The following DOCK3 variants were observed in gnomAD, a reference collection of about 807,000 sequenced individuals.
DOCK3 encodes dedicator of cytokinesis protein 3.
A neutral mutation model predicts 265.6 loss-of-function variants in DOCK3; 60 were observed. The ratio of observed to expected loss-of-function variants is 0.23; its 90% CI spans 0.18 to 0.28. The LOEUF is 0.28. Among genes scored for constraint, DOCK3 ranks in the 10% least tolerant of loss-of-function variants. DOCK3 has a pLI of 1.00. For synonymous variants in DOCK3, 881 were observed against 938.0 expected (o/e 0.94, Z 1.11); for missense variants, 1,981 against 2,594.3 (o/e 0.76, Z 5.14).
intron 22 of DOCK3, among the ~76,000 whole-genome samples, chr3:51,253,857 A>G (rs940976752): frequency 1.1e-4 from 16 of 151,258 alleles, no homozygotes; most frequent in South Asian, 2.1e-4. Flanking sequence ...TTGTGTCTCT[A>G]TCTCCTTCAG....
At chr3:51,139,659 TA>T (rs1219569300) in intron 9 of DOCK3, among the ~76,000 whole-genome samples, 1 of 152,148 alleles carries the variant, frequency 6.6e-6, no homozygotes, top group Non-Finnish European at 1.5e-5. Context: ...AGAAAGACAA[TA>T]AACAAAGAAA....
At chr3:50,817,024 T>C (rs940740174) in intron 2 of DOCK3, among the ~76,000 whole-genome samples, 6 of 152,218 alleles carry the variant, frequency 3.9e-5, no homozygotes, top group Admixed American at 1.3e-4. Flanking sequence ...AAAGAATGGC[T>C]ACTCCATAGA....
At chr3:51,143,450 A>T (rs1279795511) in intron 9 of DOCK3, among the ~76,000 whole-genome samples, 1 of 151,432 alleles carries the variant, frequency 6.6e-6, no homozygotes, top group Non-Finnish European at 1.5e-5. Flanking sequence ...TTGTATTTTT[A>T]GTAGAGACAG....
intron 5 of DOCK3, among the ~76,000 whole-genome samples, chr3:51,031,810 T>C (rs999974557): frequency 9.2e-5 from 14 of 152,072 alleles, no homozygotes; most frequent in African/African-American, 3.4e-4. Context: ...TTAATACCCC[T>C]ATAAAAATGC....
chr3:50,921,956 G>A (rs1222437806), intron 4 of DOCK3, among the ~76,000 whole-genome samples: 2 of 152,204 alleles, frequency 1.3e-5, no homozygotes, highest in Admixed American at 1.3e-4. Flanking sequence ...TTCGGTGTCA[G>A]TCAGCCCTTA....
intron 3 of DOCK3, among the ~76,000 whole-genome samples, chr3:50,867,963 C>T (rs772384354): frequency 3.0e-4 from 46 of 151,968 alleles, no homozygotes; most frequent in Non-Finnish European, 5.3e-4. Flanking sequence ...TGTATCCCCT[C>T]TTACTCTATT....
chr3:51,286,846 C>G (rs905530383), intron 27 of DOCK3, among the ~76,000 whole-genome samples: 2 of 152,086 alleles, frequency 1.3e-5, no homozygotes, highest in South Asian at 4.2e-4. Flanking sequence ...AATGTAAAAC[C>G]TAAAATTATA....
intron 5 of DOCK3, among the ~76,000 whole-genome samples, chr3:50,940,812 G>A (rs552516665): frequency 2.6e-5 from 4 of 152,178 alleles, no homozygotes; most frequent in African/African-American, 9.6e-5. Context: ...AGGTACAAAA[G>A]CAGTTAAGTA....
chr3:51,276,505 T>A (rs1422105553), intron 25 of DOCK3: 1 of 849,830 alleles, frequency 1.2e-6, no homozygotes, highest in Non-Finnish European at 1.4e-6. Context: ...TGTAATTAGT[T>A]GCTTATAACT....
chr3:51,250,825 A>T (rs2079178124), intron 22 of DOCK3, among the ~76,000 whole-genome samples: 1 of 152,190 alleles, frequency 6.6e-6, no homozygotes, highest in Non-Finnish European at 1.5e-5. Context: ...TTAAAAGCCT[A>T]GATGGGAAAG....
At chr3:51,331,511 C>T (rs1219852877) in intron 33 of DOCK3, among the ~76,000 whole-genome samples, 2 of 150,394 alleles carry the variant, frequency 1.3e-5, no homozygotes, top group East Asian at 3.9e-4. Flanking sequence ...TAACATGGAG[C>T]AGCATTTTCC....
At chr3:50,873,080 C>T (rs576920671) in intron 3 of DOCK3, among the ~76,000 whole-genome samples, 36 of 152,282 alleles carry the variant, frequency 2.4e-4, no homozygotes, top group Admixed American at 4.6e-4. Flanking sequence ...GTTTCCTTTT[C>T]CCCTCCACTT....
chr3:51,358,106 G>T, intron 46 of DOCK3, 29 bp downstream of exon 46: 2 of 1,603,438 alleles, frequency 1.2e-6, no homozygotes, highest in Non-Finnish European at 1.7e-6. Context: ...TGCCCCTGCT[G>T]CAGTAGAACC....
chr3:50,964,325 C>T (rs776274143), intron 5 of DOCK3, among the ~76,000 whole-genome samples: 21 of 152,092 alleles, frequency 1.4e-4, no homozygotes, highest in Non-Finnish European at 2.1e-4. Context: ...TTGAAACCAA[C>T]CCTGAACTGA....
At chr3:51,188,159 A>T (rs930976117) in intron 12 of DOCK3, among the ~76,000 whole-genome samples, 1 of 152,066 alleles carries the variant, frequency 6.6e-6, no homozygotes, top group Non-Finnish European at 1.5e-5. Flanking sequence ...AACTATTTTC[A>T]CTTTTTAAAA....
intron 13 of DOCK3, among the ~76,000 whole-genome samples, chr3:51,211,464 C>T (rs1023452794): frequency 2.0e-5 from 3 of 151,880 alleles, no homozygotes; most frequent in Non-Finnish European, 2.9e-5. Flanking sequence ...GTGTGCTGCA[C>T]CCATTAACTC....
At chr3:51,297,661 A>G (rs1653112239) in intron 27 of DOCK3, among the ~76,000 whole-genome samples, 1 of 152,148 alleles carries the variant, frequency 6.6e-6, no homozygotes, top group South Asian at 2.1e-4. Flanking sequence ...ATAACAGGCC[A>G]GGCATGGTAG....
intron 9 of DOCK3, among the ~76,000 whole-genome samples, chr3:51,125,290 G>T (rs1157747962): frequency 3.3e-5 from 5 of 152,124 alleles, no homozygotes; most frequent in Non-Finnish European, 7.3e-5. Flanking sequence ...GTTCTTCCCT[G>T]AAGTTGTTCC....
chr3:50,924,067 G>A (rs2050639421), intron 4 of DOCK3, among the ~76,000 whole-genome samples: 1 of 152,106 alleles, frequency 6.6e-6, no homozygotes, highest in South Asian at 2.1e-4. Flanking sequence ...GGCCTCATGG[G>A]AATCTCAGCT....
Sources: allele counts gnomAD v4.1 joint callset (sites outside exome capture counted in the v4.1 genomes callset), GRCh38; gene constraint gnomAD v4.1.1; transcripts MANE v1.5; gene names NCBI Gene and HGNC (gene_info 2026-07-23, HGNC 2026-07-21).